The following NR1H3 variants were observed in gnomAD, a reference collection of about 807,000 sequenced individuals.
NR1H3 encodes nuclear receptor subfamily 1 group H member 3.
A neutral mutation model predicts 48.1 loss-of-function variants in NR1H3; 19 were observed. That is an observed-to-expected ratio of 0.40 (90% CI 0.28 to 0.58). The LOEUF (loss-of-function observed/expected upper bound fraction) is 0.58. NR1H3 is among the 20% of genes least tolerant of loss of function. NR1H3 has a pLI of 0.50. For missense variants in NR1H3, 486 were observed against 595.9 expected, an observed-to-expected ratio of 0.82 and a Z score of 1.92; for synonymous variants, 232 against 227.3, an observed-to-expected ratio of 1.02 and a Z score of -0.19.
chr11:47,268,179 G>C, intron 8 of NR1H3, 82 bp from the exon 9 acceptor site: 1 of 1,341,040 alleles, frequency 7.5e-7, no homozygotes. Context: ...GCTGGAGCAT[G>C]TCTCTATATT....
upstream of NR1H3, among the ~76,000 whole-genome samples, chr11:47,253,134 C>CGTGTGTGTGTGTGTGGGTGTGTGTGTGT (rs60982687): frequency 6.8e-6 from 1 of 147,654 alleles, no homozygotes. Context: ...AATTTTTGTG[C>CGTGTGTGTGTGTGTGGGTGTGTGTGTGT]GTGTGTGTGT....
At chr11:47,251,622 AT>A (rs887577153) in intron 1 of NR1H3, among the ~76,000 whole-genome samples, 1 of 152,024 alleles carries the variant, frequency 6.6e-6, no homozygotes, top group Non-Finnish European at 1.5e-5. Context: ...AAAAAAAAAA[AT>A]AAAATAAAGA....
chr11:47,251,111 A>T (rs945540644), intron 1 of NR1H3, among the ~76,000 whole-genome samples: 1 of 152,042 alleles, frequency 6.6e-6, no homozygotes, highest in Non-Finnish European at 1.5e-5. Flanking sequence ...GTGAGCGGAG[A>T]TCGTGCCACT....
At chr11:47,266,137 A>G (rs947686893) in intron 7 of NR1H3, among the ~76,000 whole-genome samples, 1 of 152,134 alleles carries the variant, frequency 6.6e-6, no homozygotes, top group Non-Finnish European at 1.5e-5. Flanking sequence ...ATGTATCTCT[A>G]GTGTTCAAAT....
intron 7 of NR1H3, among the ~76,000 whole-genome samples, chr11:47,266,213 C>T (rs1007962944): frequency 2.6e-5 from 4 of 152,110 alleles, no homozygotes. Flanking sequence ...CTCGCTCTGT[C>T]GCCCAGGCTG....
chr11:47,249,010 C>A (rs931352561), intron 1 of NR1H3: 2 of 1,475,674 alleles, frequency 1.4e-6, no homozygotes, highest in Non-Finnish European at 1.8e-6. Context: ...GTAACGCGAC[C>A]TGGCGCGGCA....
At chr11:47,255,541 T>TCTC (rs1955007794), upstream of NR1H3, among the ~76,000 whole-genome samples, 1 of 71,582 alleles carries the variant, frequency 1.4e-5, no homozygotes, top group African/African-American at 4.5e-5. Flanking sequence ...CTTTCTTTCT[T>TCTC]TTTCTTTCTT....
chr11:47,261,188 T>G, intron 4 of NR1H3, 53 bp from the exon 5 acceptor site: 2 of 1,028,006 alleles, frequency 1.9e-6, no homozygotes, highest in Non-Finnish European at 1.4e-6. Context: ...CCCACCCCCT[T>G]GCCCCATCCT....
In NR1H3 at chr11:47,259,843, C is replaced by T; in HGVS notation, c.96C>T (p.Ala32=). ...GCGCACAGGATGCAAGCAGCCAGGC[C>T]CAGGGAGGCAGCAGCTGCATCCTCA... ...KPGAQDASSQ[A]QGGSSCILRE... Residue 32 remains alanine (A), a synonymous_variant, in exon 3 of 10, where the codon GCC becomes GCT. Transcript: ENST00000441012. 1 of 1,612,486 alleles carries T rather than the reference C, an allele frequency of 6.2e-7. No homozygotes were observed. The highest frequency in any genetic ancestry group is 8.5e-7 in the Non-Finnish European group (1 of 1,179,956).
upstream of NR1H3, among the ~76,000 whole-genome samples, chr11:47,255,288 A>G (rs1954974582): frequency 2.0e-5 from 3 of 152,242 alleles, no homozygotes; most frequent in South Asian, 6.2e-4. Flanking sequence ...AGGCCCTCAC[A>G]TGAGTTTCAG....
At chr11:47,249,845 A>G (rs865912924) in intron 1 of NR1H3, among the ~76,000 whole-genome samples, 1 of 151,838 alleles carries the variant, frequency 6.6e-6, no homozygotes, top group Non-Finnish European at 1.5e-5. Flanking sequence ...TAATACCAGC[A>G]CTTTGAGAGG....
intron 7 of NR1H3, among the ~76,000 whole-genome samples, chr11:47,263,267 C>CT (rs112370737): frequency 0.96 from 135,995 of 142,024 alleles, 65,111 homozygotes; most frequent in East Asian, 0.99. Flanking sequence ...ATTTCCCCTA[C>CT]TTTTTTTTTT....
Position 47,259,826 on chromosome 11 carries a change from G to C in NR1H3, c.79G>C (p.Asp27His), listed in dbSNP as rs987155397. 2 of 1,612,330 alleles carry C rather than the reference G, an allele frequency of 1.2e-6. No individual in the cohort carries two copies. The highest frequency in any genetic ancestry group is 1.7e-6 in the Non-Finnish European group (2 of 1,179,932). Residue 27 changes from aspartate to histidine, a missense_variant, in exon 3 of 10, where the codon GAT (aspartate) becomes CAT (histidine). By Grantham distance (81) the Asp-to-His change is moderately conservative. Coordinates refer to ENST00000441012, the MANE Select transcript of NR1H3 (RefSeq NM_005693.4). Reference protein sequence around the residue: ...AVELWKPGAQDASSQAQGGSS... With the variant: ...AVELWKPGAQHASSQAQGGSS... Reference sequence around the variant, plus strand: ...GGAGCTGTGGAAGCCAGGCGCACAGGATGCAAGCAGCCAGGCCCAGGGAGG... The same window carrying C: ...GGAGCTGTGGAAGCCAGGCGCACAGCATGCAAGCAGCCAGGCCCAGGGAGG...
upstream of NR1H3, among the ~76,000 whole-genome samples, chr11:47,255,549 CTTTCTTTCTTTCTTTCTT>C (rs1955018906): frequency 5.5e-5 from 3 of 54,920 alleles, no homozygotes; most frequent in Non-Finnish European, 7.8e-5. Context: ...CTTTTTCTTT[CTTTCTTTCTTTCTTTCTT>C]TCTTTCTTTC....
chr11:47,255,265 G>A (rs771593419), upstream of NR1H3, among the ~76,000 whole-genome samples: 2 of 152,236 alleles, frequency 1.3e-5, no homozygotes, highest in Non-Finnish European at 2.9e-5. Flanking sequence ...CACTAACTGT[G>A]TGGTCTTGGA....
chr11:47,260,345 T>A lies in NR1H3; in HGVS notation c.233-64T>A, dbSNP rs939465465. On this transcript the variant is annotated intron_variant, in intron 3 of 9. Coordinates refer to ENST00000441012, the MANE Select transcript of NR1H3 (RefSeq NM_005693.4). ...GTCACTGAGTGCCCAGGGCAGTGGC[T>A]GAGTCAGGGAGAACATGATGTTTTT... is the stretch of plus-strand genomic sequence containing the variant. 1.4e-5 allele frequency: 21 copies of A among 1,548,908 alleles called. No individual in the cohort carries two copies. In the African/African-American group the frequency reaches 2.0e-4, roughly 15 times the overall value.
chr11:47,260,646 A>G lies in NR1H3; in HGVS notation c.470A>G (p.Lys157Arg), dbSNP rs766886186. The change falls in exon 4 of 10, where the codon AAA becomes AGA. Residue 157 changes from lysine (K) to arginine (R), a missense_variant. Transcript: ENST00000441012. Reference protein sequence around the residue: ...RRKCQECRLRKCRQAGMREEC... With the variant: ...RRKCQECRLRRCRQAGMREEC... ...AAGTGCCAGGAGTGTCGGCTTCGCA[A>G]ATGCCGTCAGGCTGGCATGCGGGAG... 6.2e-7 allele frequency: 1 copy of G among 1,607,412 alleles called. No homozygotes were observed. The highest frequency in any genetic ancestry group is 1.1e-5 in the South Asian group (1 of 90,804).
chr11:47,256,747 T>TTG (rs1955216935), upstream of NR1H3, among the ~76,000 whole-genome samples: 1 of 142,906 alleles, frequency 7.0e-6, no homozygotes. Context: ...TTTTTTTTTT[T>TTG]GGGGACAGAG....
At chr11:47,268,401 C>T (rs1957368483) in intron 9 of NR1H3, 46 bp downstream of exon 9, 2 of 1,596,538 alleles carry the variant, frequency 1.3e-6, no homozygotes, top group South Asian at 2.2e-5. Flanking sequence ...CACACACAGG[C>T]CCATTCCCTG....
Sources: gnomAD v4.1 joint callset for allele counts (sites outside exome capture counted in the v4.1 genomes callset) on GRCh38, gnomAD v4.1.1 for gene constraint, MANE v1.5 for transcripts, NCBI Gene and HGNC (gene_info 2026-07-23, HGNC 2026-07-21) for gene names.